TOX: variants seen among roughly 807,000 people sequenced by gnomAD.
TOX encodes thymocyte selection-associated high mobility group box protein TOX.
TOX carries 11 observed loss-of-function variants against 53.7 expected under a neutral mutation model. The ratio of observed to expected loss-of-function variants is 0.20; its 90% confidence interval spans 0.13 to 0.34. The LOEUF is 0.34. Ranked by LOEUF, TOX falls within the 10% of genes least tolerant of loss-of-function variation. The probability of loss-of-function intolerance (pLI) is 1.00; values close to 1 mark genes in which losing one functional copy is unlikely to be tolerated. For missense variants in TOX, 570 were observed against 664.6 expected (o/e 0.86, Z 1.56); for synonymous variants, 225 against 245.3 (o/e 0.92, Z 0.77).
chr8:58,884,803 C>G (rs1411347333), intron 3 of TOX, among the ~76,000 whole-genome samples: 1 of 151,990 alleles, frequency 6.6e-6, no homozygotes, highest in African/African-American at 2.4e-5. Flanking sequence ...TTAGCTTTAC[C>G]AAATAATGCT....
intron 1 of TOX, among the ~76,000 whole-genome samples, chr8:58,998,496 T>TAAAA (rs61408536): frequency 3.2e-5 from 2 of 62,884 alleles, no homozygotes; most frequent in Admixed American, 2.0e-4. Context: ...CTCAAAAGTA[T>TAAAA]ATATATATAT....
intron 3 of TOX, among the ~76,000 whole-genome samples, chr8:58,885,727 A>G (rs72649486): frequency 0.093 from 14,093 of 152,134 alleles, 957 homozygotes; most frequent in Non-Finnish European, 0.14. Context: ...AGTGCTACAG[A>G]TTAGTCTGGT....
At chr8:58,887,310 C>T (rs1272818629) in intron 3 of TOX, among the ~76,000 whole-genome samples, 4 of 151,748 alleles carry the variant, frequency 2.6e-5, no homozygotes, top group Admixed American at 6.6e-5. Flanking sequence ...CAATATTATA[C>T]TCACTTCATA....
chr8:59,116,774 C>G (rs903403604), intron 1 of TOX, among the ~76,000 whole-genome samples: 1 of 152,140 alleles, frequency 6.6e-6, no homozygotes, highest in Non-Finnish European at 1.5e-5. Flanking sequence ...CGCAACTAGT[C>G]TACAGAAAGG....
chr8:58,949,932 T>C (rs1287063235), intron 2 of TOX, among the ~76,000 whole-genome samples: 2 of 135,852 alleles, frequency 1.5e-5, no homozygotes, highest in Non-Finnish European at 3.1e-5. Flanking sequence ...TACATGTGTA[T>C]AGTTCATATA....
At chr8:58,972,308 C>T (rs1488638387) in intron 1 of TOX, among the ~76,000 whole-genome samples, 1 of 152,154 alleles carries the variant, frequency 6.6e-6, no homozygotes, top group East Asian at 1.9e-4. Context: ...AAAACTACCA[C>T]ACAAAACTGC....
At chr8:59,013,602 G>A (rs1813953937) in intron 1 of TOX, among the ~76,000 whole-genome samples, 1 of 152,122 alleles carries the variant, frequency 6.6e-6, no homozygotes, top group African/African-American at 2.4e-5. Context: ...GTAGAGACAG[G>A]GTTGCACTAC....
At chr8:58,900,441 A>T (rs1443060966) in intron 3 of TOX, among the ~76,000 whole-genome samples, 1 of 152,186 alleles carries the variant, frequency 6.6e-6, no homozygotes, top group African/African-American at 2.4e-5. Context: ...GTAGAAGATG[A>T]GTAGCCAAAA....
intron 1 of TOX, among the ~76,000 whole-genome samples, chr8:59,040,501 T>A (rs928649535): frequency 2.0e-5 from 3 of 152,148 alleles, no homozygotes; most frequent in Admixed American, 1.3e-4. Flanking sequence ...CAACAAACAC[T>A]AATTTGAGTG....
At position 58,806,999 on chromosome 8, in the gene TOX, C is replaced by A. The variant is rs1400881968; in HGVS notation, c.*748G>T. 6.6e-6 allele frequency: 1 copy of A among 152,562 alleles called. No homozygotes were observed. Among genetic ancestry groups the A allele is most frequent in the East Asian group, 1.9e-4 (1 of 5,198 alleles). 9.5% of individuals were successfully genotyped at this position (152,562 alleles called of 1,614,324 possible). On this transcript the variant is annotated 3_prime_UTR_variant, in exon 9 of 9. Transcript: ENST00000361421. ...AAAGGACTTAAATGACATTTACTAA[C>A]CATTACACAAAAAGTGATACAAAAA... is the stretch of plus-strand genomic sequence containing the variant.
chr8:58,824,283 C>T lies in TOX; in HGVS notation c.1005+2539G>A, dbSNP rs147525896. Among the ~76,000 whole-genome samples, 431 of 152,274 alleles carry T rather than the reference C, an allele frequency of 2.8e-3. 2 individuals carry two copies. Among genetic ancestry groups the T allele is most frequent in the African/African-American group, 9.9e-3 (411 of 41,552 alleles). ...CCTGAGGATTAAGGGAACTTATGCA[C>T]GTAAGATGATCCTTTAAAAACGTAA... On this transcript the variant is annotated intron_variant, in intron 6 of 8. Coordinates refer to ENST00000361421, the MANE Select transcript of TOX (RefSeq NM_014729.3).
intron 3 of TOX, among the ~76,000 whole-genome samples, chr8:58,890,102 TCTG>T (rs1161218622): frequency 2.6e-5 from 4 of 152,210 alleles, no homozygotes; most frequent in Non-Finnish European, 5.9e-5. Context: ...TGTCCATAAT[TCTG>T]ATCATCATAT....
At chr8:58,966,343 G>A (rs527848800) in intron 1 of TOX, among the ~76,000 whole-genome samples, 5 of 152,236 alleles carry the variant, frequency 3.3e-5, no homozygotes, top group African/African-American at 7.2e-5. Flanking sequence ...AAAAGAAAGC[G>A]GAGTTACTCT....
intron 2 of TOX, among the ~76,000 whole-genome samples, chr8:58,947,555 T>A (rs1812543872): frequency 6.6e-6 from 1 of 152,202 alleles, no homozygotes; most frequent in Admixed American, 6.5e-5. Flanking sequence ...TGAGTGTTCT[T>A]ATGGCGATAT....
chr8:59,008,167 T>C (rs1376880786), intron 1 of TOX, among the ~76,000 whole-genome samples: 1 of 152,226 alleles, frequency 6.6e-6, no homozygotes, highest in African/African-American at 2.4e-5. Context: ...CTCAGGTCAG[T>C]TGGTAAAAGA....
chr8:58,808,953 A>G (rs1810033816), intron 7 of TOX, among the ~76,000 whole-genome samples: 1 of 152,246 alleles, frequency 6.6e-6, no homozygotes, highest in Non-Finnish European at 1.5e-5. Flanking sequence ...TAACTGGCAA[A>G]CAATAATCAG....
rs58241987 is a variant in TOX, at chr8:58,921,337, C to A, written c.411+17965G>T. ...TCCATAAACAAGTTCAAATAAATAT[C>A]CAGTTCATATTCCAACCTAGATAGG... On this transcript the variant is annotated intron_variant, in intron 3 of 8. Transcript: ENST00000361421. Among the ~76,000 whole-genome samples, 268 of 152,294 alleles carry A rather than the reference C, an allele frequency of 1.8e-3. 2 individuals carry two copies. The highest frequency in any genetic ancestry group is 5.7e-3 in the African/African-American group (235 of 41,556).
At chr8:58,947,215 C>T (rs1812537447) in intron 2 of TOX, among the ~76,000 whole-genome samples, 1 of 151,970 alleles carries the variant, frequency 6.6e-6, no homozygotes, top group Admixed American at 6.6e-5. Flanking sequence ...AAGTTCTCTT[C>T]AATACAAATT....
chr8:58,863,779 T>C (rs1191389447), intron 3 of TOX, among the ~76,000 whole-genome samples: 1 of 151,952 alleles, frequency 6.6e-6, no homozygotes, highest in African/African-American at 2.4e-5. Context: ...CTGTGAGAGG[T>C]CCTAGGGGAA....
Sources: allele counts gnomAD v4.1 joint callset (sites outside exome capture counted in the v4.1 genomes callset), GRCh38; gene constraint gnomAD v4.1.1; transcripts MANE v1.5; gene names NCBI Gene and HGNC (gene_info 2026-07-23, HGNC 2026-07-21).